Variants in DOCK3 observed in about 807,000 individuals in gnomAD.
DOCK3 encodes dedicator of cytokinesis protein 3.
Under a neutral mutation model 265.6 loss-of-function variants are expected in DOCK3, and 60 were observed. The ratio of observed to expected loss-of-function variants is 0.23; its 90% confidence interval spans 0.18 to 0.28. The LOEUF (loss-of-function observed/expected upper bound fraction) is 0.28. Among genes scored for constraint, DOCK3 ranks in the 10% least tolerant of loss-of-function variants. DOCK3 has a pLI of 1.00. For missense variants in DOCK3, 1,981 were observed against 2,594.3 expected (o/e 0.76, Z 5.14); for synonymous variants, 881 against 938.0 (o/e 0.94, Z 1.11).
chr3:50,850,047 A>T (rs1315713180), intron 3 of DOCK3, among the ~76,000 whole-genome samples: 1 of 151,498 alleles, frequency 6.6e-6, no homozygotes, highest in South Asian at 2.1e-4. Flanking sequence ...TCCTTTTAAG[A>T]TGTTTATCTC....
intron 1 of DOCK3, among the ~76,000 whole-genome samples, chr3:50,774,073 T>A (rs1036603220): frequency 6.6e-6 from 1 of 152,100 alleles, no homozygotes; most frequent in Non-Finnish European, 1.5e-5. Context: ...AGTTTGGATG[T>A]CTTCAGCAGA....
In DOCK3 at chr3:51,381,609, C is replaced by T. The variant is rs1158712874; in HGVS notation, c.*50C>T. 2.3e-5 allele frequency: 34 copies of T among 1,446,914 alleles called. No individual in the cohort carries two copies. Among genetic ancestry groups the T allele is most frequent in the Non-Finnish European group, 3.1e-5 (34 of 1,104,820 alleles). 89.6% of individuals were successfully genotyped at this position (1,446,914 alleles called of 1,614,324 possible). A position where few individuals can be genotyped will look rare whatever the true frequency, so the allele number is the denominator to read the frequency against. On this transcript the variant is annotated 3_prime_UTR_variant, in exon 53 of 53. Coordinates refer to ENST00000266037, the MANE Select transcript of DOCK3 (RefSeq NM_004947.5). The surrounding 1 kb of genome is among the most constrained non-coding windows in gnomAD (Gnocchi z 5.6). ...CGCCCTCAGTAAGCAGCTTGCCAAT[C>T]ACTCCAGGTCTGAAAAGCAAGTCCC... is the stretch of plus-strand genomic sequence containing the variant.
intron 2 of DOCK3, among the ~76,000 whole-genome samples, chr3:50,840,409 A>G (rs900599261): frequency 1.3e-5 from 2 of 152,212 alleles, no homozygotes; most frequent in African/African-American, 4.8e-5. Flanking sequence ...TAAGATCTAT[A>G]TGTAGATTCA....
rs551281436 is a variant in DOCK3, at chr3:51,012,935, G to A, written c.316-51513G>A. 9.2e-5 allele frequency among the ~76,000 whole-genome samples: 14 copies of A among 151,844 alleles called. No homozygotes were observed. The South Asian group carries it at 1.7e-3, about 18-fold the overall frequency. ...CTGATACCCTTTCTTCTACTTGATC[G>A]AATCAGCTACTGAAGCTTGTGTGTG... On this transcript the variant is annotated intron_variant, in intron 5 of 52. Transcript: ENST00000266037.
rs1039721875 is a variant in DOCK3, at chr3:50,811,856, A to G, written c.122-29819A>G. On this transcript the variant is annotated intron_variant, in intron 2 of 52. Transcript: ENST00000266037. ...TTGGAATAGAGAATATTTAATATAA[A>G]TAATTGTTAACTAGTAAAAAAGTAG... Among the ~76,000 whole-genome samples the G allele has an allele frequency of 1.4e-4, 21 of 152,366 alleles. No homozygotes were observed. In the South Asian group the frequency reaches 2.3e-3, roughly 17 times the overall value.
intron 6 of DOCK3, among the ~76,000 whole-genome samples, chr3:51,067,427 T>TTTTGTGTGTGTG (rs139334124): frequency 6.9e-6 from 1 of 144,108 alleles, no homozygotes; most frequent in East Asian, 2.1e-4. Flanking sequence ...TGAAATATGT[T>TTTTGTGTGTGTG]TGTGTGTGTG....
At chr3:50,829,833 A>G (rs1201337500) in intron 2 of DOCK3, among the ~76,000 whole-genome samples, 2 of 152,234 alleles carry the variant, frequency 1.3e-5, no homozygotes, top group Non-Finnish European at 2.9e-5. Context: ...ATGGCCCTCC[A>G]GAGTGACTAA....
intron 12 of DOCK3, among the ~76,000 whole-genome samples, chr3:51,174,975 C>T (rs2086865546): frequency 6.6e-6 from 1 of 152,124 alleles, no homozygotes; most frequent in South Asian, 2.1e-4. Flanking sequence ...AGGCAAGGTG[C>T]CCCAGTTGGT....
intron 5 of DOCK3, among the ~76,000 whole-genome samples, chr3:50,994,569 C>T (rs2078215432): frequency 6.6e-6 from 1 of 152,094 alleles, no homozygotes; most frequent in Non-Finnish European, 1.5e-5. Flanking sequence ...TTTTGAAGAA[C>T]AAGTATGTAT....
At chr3:51,287,960 A>G (rs2081503930) in intron 27 of DOCK3, among the ~76,000 whole-genome samples, 1 of 152,256 alleles carries the variant, frequency 6.6e-6, no homozygotes, top group Admixed American at 6.5e-5. Context: ...AGCCATTTTA[A>G]AAGAACGAGA....
chr3:50,785,881 T>A, intron 2 of DOCK3, among the ~76,000 whole-genome samples: 1 of 152,172 alleles, frequency 6.6e-6, no homozygotes, highest in East Asian at 1.9e-4. Flanking sequence ...TCAATAGGAT[T>A]TTTACCAGTT....
chr3:50,850,282 C>A (rs2046298594), intron 3 of DOCK3, among the ~76,000 whole-genome samples: 1 of 151,640 alleles, frequency 6.6e-6, no homozygotes, highest in Non-Finnish European at 1.5e-5. Context: ...ATCACTTGAA[C>A]CCAGGAGGCA....
intron 1 of DOCK3, among the ~76,000 whole-genome samples, chr3:50,681,292 C>T (rs928544795): frequency 6.6e-6 from 1 of 152,168 alleles, no homozygotes; most frequent in Non-Finnish European, 1.5e-5. Context: ...GTTGAAAGTA[C>T]TTTAACCTTC....
At chr3:50,721,830 GT>G (rs1366301251) in intron 1 of DOCK3, among the ~76,000 whole-genome samples, 2 of 152,090 alleles carry the variant, frequency 1.3e-5, no homozygotes, top group Non-Finnish European at 2.9e-5. Context: ...GCATGGGAAT[GT>G]TTTTTTCATT....
chr3:50,798,658 C>T (rs988966640), intron 2 of DOCK3, among the ~76,000 whole-genome samples: 1 of 151,884 alleles, frequency 6.6e-6, no homozygotes, highest in Non-Finnish European at 1.5e-5. Context: ...TGAGTGGTTT[C>T]AGAATATTTT....
At chr3:50,888,876 A>T (rs995161044) in intron 3 of DOCK3, among the ~76,000 whole-genome samples, 1 of 152,124 alleles carries the variant, frequency 6.6e-6, no homozygotes, top group Non-Finnish European at 1.5e-5. Context: ...TGGATTAAAG[A>T]TTAAAGACTT....
intron 3 of DOCK3, among the ~76,000 whole-genome samples, chr3:50,882,340 T>C (rs2048087446): frequency 6.6e-6 from 1 of 152,178 alleles, no homozygotes. Context: ...ACTTACAGAA[T>C]GGGAGAACAG....
At chr3:51,268,754 C>T (rs1016738578) in intron 23 of DOCK3, among the ~76,000 whole-genome samples, 2 of 152,002 alleles carry the variant, frequency 1.3e-5, no homozygotes, top group Non-Finnish European at 2.9e-5. Context: ...AGGGAGTGGA[C>T]TCTATAAGGG....
At chr3:51,309,612 G>A (rs1179670428) in intron 27 of DOCK3, among the ~76,000 whole-genome samples, 2 of 139,472 alleles carry the variant, frequency 1.4e-5, no homozygotes, top group African/African-American at 5.5e-5. Context: ...AGAGGGAGAG[G>A]GAGAGGGAGA....
Sources: gnomAD v4.1 joint callset for allele counts (sites outside exome capture counted in the v4.1 genomes callset) on GRCh38, gnomAD v4.1.1 for gene constraint, Gnocchi (gnomAD v3.1) non-coding constraint, MANE v1.5 for transcripts, NCBI Gene and HGNC (gene_info 2026-07-23, HGNC 2026-07-21) for gene names.